Variants in CNOT11 observed in about 807,000 individuals in gnomAD.
The protein encoded by CNOT11 is CCR4-NOT transcription complex subunit 11.
Under a neutral mutation model 44.6 loss-of-function variants are expected in CNOT11, and 18 were observed. That is an observed-to-expected ratio of 0.40 (90% CI 0.28 to 0.60). The LOEUF is 0.60. Among genes scored for constraint, CNOT11 ranks in the 20% least tolerant of loss-of-function variants. The pLI, the probability that CNOT11 is intolerant of heterozygous loss-of-function variation, is 0.38. For missense variants in CNOT11, 513 were observed against 677.0 expected (o/e 0.76, Z 2.69); for synonymous variants, 291 against 270.9 (o/e 1.07, Z -0.73).
chr2:101,255,036 C>G (rs148764893), intron 1 of CNOT11, among the ~76,000 whole-genome samples: 1 of 152,244 alleles, frequency 6.6e-6, no homozygotes, highest in East Asian at 1.9e-4. Context: ...ACACCTAGTC[C>G]GTAGACCGCA....
chr2:101,259,521 C>T lies in CNOT11; in HGVS notation c.679+1566C>T, dbSNP rs149403106. Among the ~76,000 whole-genome samples the T allele has an allele frequency of 3.4e-4, 52 of 152,302 alleles. 1 individual carries two copies. In the East Asian group the frequency reaches 8.1e-3, roughly 24 times the overall value. On this transcript the variant is annotated intron_variant, in intron 2 of 6. Transcript: ENST00000289382. ...TTTGGGCTTGCCTGCTGTCAGCATT[C>T]ATTTTCTCACTTGAGAGCAACTCAA...
At position 101,257,831 on chromosome 2, in the gene CNOT11, T is replaced by C. The variant is rs1217858742; in HGVS notation, c.555T>C (p.Leu185=). The part of the protein sequence containing the change: ...PPITPPEKFF[L]SQLMLAPPRE... ...TAACTCCACCAGAAAAGTTTTTTCT[T>C]TCCCAGCTGATGCTGGCACCCCCAC... is the stretch of plus-strand genomic sequence containing the variant. The change falls in exon 2 of 7, where the codon CTT becomes CTC. Residue 185 remains leucine, a synonymous_variant. Coordinates refer to ENST00000289382, the MANE Select transcript of CNOT11 (RefSeq NM_017546.5). 1.2e-6 allele frequency: 2 copies of C among 1,613,900 alleles called. No homozygotes were observed. Among genetic ancestry groups the C allele is most frequent in the South Asian group, 1.1e-5 (1 of 91,066 alleles).
In CNOT11 at chr2:101,269,147, T is replaced by C. The variant is rs535204256; in HGVS notation, c.1335+11T>C. ...GATAAATATATGCAGGTAATATAAA[T>C]TTTTGTAAATTTTATAAATGGCTGC... On this transcript the variant is annotated intron_variant, in intron 6 of 6. Coordinates refer to ENST00000289382, the MANE Select transcript of CNOT11 (RefSeq NM_017546.5). The surrounding 1 kb of genome is among the most constrained non-coding windows in gnomAD (Gnocchi z 4.8). The C allele has an allele frequency of 1.1e-5, 17 of 1,595,766 alleles. No individual in the cohort carries two copies. Among genetic ancestry groups the C allele is most frequent in the Non-Finnish European group, 1.3e-5 (15 of 1,170,080 alleles).
At chr2:101,257,023 T>C (rs1038450681) in intron 1 of CNOT11, among the ~76,000 whole-genome samples, 2 of 150,896 alleles carry the variant, frequency 1.3e-5, no homozygotes, top group Admixed American at 1.3e-4. Context: ...CACTCCAGCC[T>C]GGGCGACAGA....
chr2:101,253,032 G>C lies in CNOT11; in HGVS notation c.68G>C (p.Arg23Pro). 1 of 1,514,260 alleles carries C rather than the reference G, an allele frequency of 6.6e-7. No individual in the cohort carries two copies. Among genetic ancestry groups the C allele is most frequent in the Non-Finnish European group, 8.8e-7 (1 of 1,137,316 alleles). 93.8% of individuals were successfully genotyped at this position (1,514,260 alleles called of 1,614,324 possible). The change falls in exon 1 of 7, where the codon CGG (arginine) becomes CCG (proline). Residue 23 changes from arginine (R) to proline (P), a missense_variant. Arg to Pro is a moderately radical substitution (Grantham distance 103, BLOSUM62 -2). Transcript: ENST00000289382. The surrounding 1 kb of genome is among the most constrained non-coding windows in gnomAD (Gnocchi z 4.3). ...LLTAAEQRGS[R>P]EAAGSASRSG... is the part of the protein sequence containing the mutation. ...ACCGCCGCGGAGCAAAGAGGGTCCC[G>C]GGAAGCGGCAGGGTCGGCGTCCAGG... is the stretch of plus-strand genomic sequence containing the variant.
chr2:101,253,450 C>T lies in CNOT11; in HGVS notation c.486C>T (p.Gly162=), dbSNP rs1220522301. 2 of 1,512,068 alleles carry T rather than the reference C, an allele frequency of 1.3e-6. No individual in the cohort carries two copies. The highest frequency in any genetic ancestry group is 8.8e-7 in the Non-Finnish European group (1 of 1,141,356). The allele number at this position is 1,512,068 out of a possible 1,614,324, so 93.7% of individuals were successfully genotyped here. ...ACCCCGCGCCGCCCGCCCGCGGCGG[C>T]CAGGAACCCGACCGCCCTCCGCTCT... ...LLNPAPPARG[G]QEPDRPPLSG... is the part of the protein sequence containing the mutation. Residue 162 remains glycine (G), a synonymous_variant, in exon 1 of 7, where the codon GGC becomes GGT. Transcript: ENST00000289382. This position sits in a 1 kb window ranked among gnomAD's most constrained non-coding sequence, Gnocchi z 4.3.
At chr2:101,262,300 A>G in intron 2 of CNOT11, 3 of 455,538 alleles carry the variant, frequency 6.6e-6, no homozygotes, top group Non-Finnish European at 1.2e-5. Context: ...TTGTTTTATT[A>G]TAACATTGAT....
In CNOT11 at chr2:101,252,927, C is replaced by T; in HGVS notation, c.-38C>T. ...GGGACGGAGCGAGCCGGCGCCAGGG[C>T]CCCTCGGGCCGGGAAGAGGGGAAGG... On this transcript the variant is annotated 5_prime_UTR_variant, in exon 1 of 7. Transcript: ENST00000289382. 2.1e-6 allele frequency: 3 copies of T among 1,399,402 alleles called. No individual in the cohort carries two copies. Among genetic ancestry groups the T allele is most frequent in the Non-Finnish European group, 2.8e-6 (3 of 1,086,958 alleles). 86.7% of individuals were successfully genotyped at this position (1,399,402 alleles called of 1,614,324 possible). A position where few individuals can be genotyped will look rare whatever the true frequency, so the allele number is the denominator to read the frequency against.
intron 1 of CNOT11, among the ~76,000 whole-genome samples, chr2:101,254,315 A>G (rs558604764): frequency 1.3e-5 from 2 of 152,296 alleles, no homozygotes; most frequent in African/African-American, 2.4e-5. Context: ...CAGTATAGGT[A>G]GGGCCTGCTA....
rs746553035 is a variant in CNOT11 at position 101,253,117 on chromosome 2, C to T, written c.153C>T (p.Ser51=). The change falls in exon 1 of 7, where the codon AGC becomes AGT. Residue 51 remains serine, a synonymous_variant. Transcript: ENST00000289382. This position sits in a 1 kb window ranked among gnomAD's most constrained non-coding sequence, Gnocchi z 4.3. The part of the protein sequence containing the change: ...RGGASGPGSG[S]GGPGGPAGRM... ...GAGCAAGCGGCCCCGGGTCCGGGAG[C>T]GGAGGCCCGGGGGGCCCCGCGGGCA... The T allele has an allele frequency of 3.9e-6, 6 of 1,529,940 alleles. No homozygotes were observed. The Admixed American group carries it at 6.2e-5, about 16-fold the overall frequency. The allele number at this position is 1,529,940 out of a possible 1,614,324, so 94.8% of individuals were successfully genotyped here.
chr2:101,265,028 C>T lies in CNOT11; in HGVS notation c.1016C>T (p.Ser339Phe). The T allele has an allele frequency of 6.2e-7, 1 of 1,612,928 alleles. No homozygotes were observed. Among genetic ancestry groups the T allele is most frequent in the Non-Finnish European group, 8.5e-7 (1 of 1,178,976 alleles). The change falls in exon 4 of 7, where the codon TCC becomes TTC. Residue 339 changes from serine to phenylalanine, a missense_variant. Coordinates refer to ENST00000289382, the MANE Select transcript of CNOT11 (RefSeq NM_017546.5). ...GCCAAAGCCTTCAAAAGCCCCTTAT[C>T]CTCTCCCCAACAAACACAGGTGTGT... ...IMAKAFKSPLSSPQQTQLLGE... is the reference protein window; with the variant it reads ...IMAKAFKSPLFSPQQTQLLGE...
intron 1 of CNOT11, among the ~76,000 whole-genome samples, chr2:101,254,284 C>A (rs1472043195): frequency 6.6e-6 from 1 of 152,142 alleles, no homozygotes; most frequent in African/African-American, 2.4e-5. Context: ...TAGGAAACAG[C>A]TTGATCTTAC....
At chr2:101,268,092 C>T (rs1158772450) in intron 5 of CNOT11, among the ~76,000 whole-genome samples, 1 of 152,144 alleles carries the variant, frequency 6.6e-6, no homozygotes, top group African/African-American at 2.4e-5. Flanking sequence ...GTTCTTTTAG[C>T]GGTAGCAGAG....
chr2:101,262,531 A>G lies in CNOT11; in HGVS notation c.680-8A>G. 1 of 1,613,358 alleles carries G rather than the reference A, an allele frequency of 6.2e-7. No individual in the cohort carries two copies. ...TGTCCATAATTTTAAAATGTCTCCT[A>G]TTTCCAGAACGCCAATCTGAATTGC... On this transcript the variant is annotated splice_polypyrimidine_tract_variant and splice_region_variant and intron_variant, in intron 2 of 6. Coordinates refer to ENST00000289382, the MANE Select transcript of CNOT11 (RefSeq NM_017546.5).
At position 101,252,978 on chromosome 2, in the gene CNOT11, G is replaced by A; in HGVS notation, c.14G>A (p.Gly5Glu). The A allele has an allele frequency of 1.3e-6, 2 of 1,485,366 alleles. No homozygotes were observed. The highest frequency in any genetic ancestry group is 8.9e-7 in the Non-Finnish European group (1 of 1,125,744). 92.0% of individuals were successfully genotyped at this position (1,485,366 alleles called of 1,614,324 possible). ...GGAGCGAGGTTGATGCCCGGCGGAGGGGCGAGCGCGGCGTCTGGCCGGCTT... is the reference window on the plus strand; with the variant it reads ...GGAGCGAGGTTGATGCCCGGCGGAGAGGCGAGCGCGGCGTCTGGCCGGCTT... MPGG[G>E]ASAASGRLLT... Residue 5 changes from glycine (G) to glutamate (E), a missense_variant, in exon 1 of 7, where the codon GGG (glycine) becomes GAG (glutamate). Transcript: ENST00000289382.
intron 4 of CNOT11, 34 bp from the exon 5 acceptor site, chr2:101,266,641 TCC>T: frequency 6.6e-7 from 1 of 1,516,830 alleles, no homozygotes; most frequent in Non-Finnish European, 9.2e-7. Context: ...CCTTTCTCTC[TCC>T]CTCTCTCTCT....
chr2:101,259,104 A>G (rs1054488181), intron 2 of CNOT11, among the ~76,000 whole-genome samples: 7 of 152,158 alleles, frequency 4.6e-5, no homozygotes, highest in African/African-American at 9.7e-5. Flanking sequence ...ACTGCACTCC[A>G]GCCTGCACAA....
In CNOT11 at chr2:101,254,124, A is replaced by AT. The variant is rs561181710; in HGVS notation, c.514+655dup. On this transcript the variant is annotated intron_variant, in intron 1 of 6. Transcript: ENST00000289382. ...ACTAGTAGGTTAGATGCGAGGCTGC[A>AT]TTTTTTTTTGTTTTTAAGCTCAAGC... Among the ~76,000 whole-genome samples, 311 of 151,468 alleles carry AT rather than the reference A, an allele frequency of 2.1e-3. 1 individual carries two copies. Among genetic ancestry groups the AT allele is most frequent in the African/African-American group, 6.2e-3 (256 of 41,300 alleles).
At chr2:101,257,393 C>CAAA (rs574971165) in intron 1 of CNOT11, among the ~76,000 whole-genome samples, 6 of 74,380 alleles carry the variant, frequency 8.1e-5, no homozygotes, top group African/African-American at 3.1e-4. Context: ...GACTTCATCT[C>CAAA]AAAAAAAAAA....
Sources: gnomAD v4.1 joint callset for allele counts (sites outside exome capture counted in the v4.1 genomes callset) on GRCh38, gnomAD v4.1.1 for gene constraint, Gnocchi (gnomAD v3.1) non-coding constraint, MANE v1.5 for transcripts, NCBI Gene and HGNC (gene_info 2026-07-23, HGNC 2026-07-21) for gene names.